Variants in RGS5 observed in about 807,000 individuals in gnomAD.
RGS5 encodes the protein regulator of G protein signaling 5.
In RGS5, 20 loss-of-function variants were observed where a neutral mutation model predicts 18.9. The ratio of observed to expected loss-of-function variants is 1.06; its 90% CI spans 0.74 to 1.54. The LOEUF (loss-of-function observed/expected upper bound fraction) is 1.54, where lower values mean the gene tolerates loss of function less well. RGS5 is among the 40% of genes most tolerant of loss of function. The pLI is 0.00. For missense variants in RGS5, 201 were observed against 211.8 expected (o/e 0.95, Z 0.32); for synonymous variants, 57 against 76.2 (o/e 0.75, Z 1.31).
chr1:163,238,764 A>C (rs1647701229), intron 2 of RGS5: 1 of 210,706 alleles, frequency 4.7e-6, no homozygotes, highest in African/African-American at 2.3e-5. Flanking sequence ...AAAGTTTAGA[A>C]GAGTTTAATA....
At chr1:163,309,495 A>G (rs1217625220) in intron 1 of RGS5, among the ~76,000 whole-genome samples, 6 of 90,788 alleles carry the variant, frequency 6.6e-5, no homozygotes, top group Non-Finnish European at 1.1e-4. Flanking sequence ...CATCTAAGGA[A>G]ACCTTTTTTT....
intron 1 of RGS5, among the ~76,000 whole-genome samples, chr1:163,201,649 A>G (rs189725715): frequency 1.8e-4 from 28 of 152,276 alleles, no homozygotes; most frequent in Non-Finnish European, 3.7e-4. Context: ...CAGTTACTAG[A>G]TAGTATTGTT....
At chr1:163,241,751 T>C (rs1647797780) in intron 2 of RGS5, among the ~76,000 whole-genome samples, 1 of 152,172 alleles carries the variant, frequency 6.6e-6, no homozygotes, top group Non-Finnish European at 1.5e-5. Flanking sequence ...AACAGTGACA[T>C]ACACAGATAT....
At chr1:163,202,722 C>G in intron 1 of RGS5, 70 bp downstream of exon 1, 1 of 1,439,158 alleles carries the variant, frequency 6.9e-7, no homozygotes, top group Admixed American at 1.7e-5. Flanking sequence ...TCTGTTACCA[C>G]TGGGCAGCCT....
intron 1 of RGS5, among the ~76,000 whole-genome samples, chr1:163,192,703 C>A (rs1179292911): frequency 6.6e-6 from 1 of 152,126 alleles, no homozygotes; most frequent in African/African-American, 2.4e-5. Context: ...CAAATGACAT[C>A]TTGTTTTGCA....
chr1:163,151,593 G>A (rs1270159807), intron 4 of RGS5, among the ~76,000 whole-genome samples: 5 of 152,118 alleles, frequency 3.3e-5, no homozygotes, highest in African/African-American at 9.7e-5. Context: ...TCTTGTGATA[G>A]TGAGTTCTCA....
intron 2 of RGS5, among the ~76,000 whole-genome samples, chr1:163,228,536 A>C (rs1025239994): frequency 6.6e-6 from 1 of 152,118 alleles, no homozygotes; most frequent in Non-Finnish European, 1.5e-5. Flanking sequence ...CGGGCCTGTG[A>C]TGGAAGGGGC....
intron 2 of RGS5, among the ~76,000 whole-genome samples, chr1:163,247,689 G>A (rs1194817877): frequency 6.6e-6 from 1 of 151,542 alleles, no homozygotes; most frequent in African/African-American, 2.4e-5. Flanking sequence ...CTTTTTGATA[G>A]TGATATTCTG....
At chr1:163,268,212 C>A (rs1055892984) in intron 2 of RGS5, among the ~76,000 whole-genome samples, 2 of 152,102 alleles carry the variant, frequency 1.3e-5, no homozygotes, top group African/African-American at 4.8e-5. Context: ...ACAAACAATA[C>A]CCTCCTTATT....
intron 2 of RGS5, among the ~76,000 whole-genome samples, chr1:163,284,927 A>C (rs930566620): frequency 1.3e-5 from 2 of 152,142 alleles, no homozygotes; most frequent in African/African-American, 4.8e-5. Context: ...GTAATTTATA[A>C]AGAAAAAGAG....
intron 1 of RGS5, among the ~76,000 whole-genome samples, chr1:163,309,574 A>G (rs1406085239): frequency 6.6e-6 from 1 of 152,088 alleles, no homozygotes; most frequent in Non-Finnish European, 1.5e-5. Flanking sequence ...CAATTTAGTC[A>G]CATCTTCAGG....
intron 2 of RGS5, among the ~76,000 whole-genome samples, chr1:163,292,258 G>C (rs142860279): frequency 1.9e-4 from 29 of 152,276 alleles, no homozygotes; most frequent in Admixed American, 1.1e-3. Context: ...TTGTAAGTGA[G>C]AACATGTGGT....
At chr1:163,220,800 C>T (rs1647213229), upstream of RGS5, among the ~76,000 whole-genome samples, 1 of 151,992 alleles carries the variant, frequency 6.6e-6, no homozygotes, top group African/African-American at 2.4e-5. Flanking sequence ...AAGGTCCTTA[C>T]AAGAGCAAGG....
intron 2 of RGS5, among the ~76,000 whole-genome samples, chr1:163,271,728 T>C (rs1648724953): frequency 6.6e-6 from 1 of 152,228 alleles, no homozygotes; most frequent in African/African-American, 2.4e-5. Flanking sequence ...TTTTAGCCTA[T>C]TATGAATACT....
intron 1 of RGS5, among the ~76,000 whole-genome samples, chr1:163,189,738 C>A (rs1001221245): frequency 1.3e-5 from 2 of 152,166 alleles, no homozygotes; most frequent in African/African-American, 4.8e-5. Context: ...GGGTCAGGGT[C>A]TCTGGGCTTG....
intron 1 of RGS5, among the ~76,000 whole-genome samples, chr1:163,215,782 G>A (rs2940674): frequency 0.4 from 60,562 of 151,852 alleles, 13,047 homozygotes; most frequent in African/African-American, 0.59. Context: ...AAAAGTTTTT[G>A]GGCCAGGCAC....
At chr1:163,175,709 T>C (rs532025572) in intron 1 of RGS5, among the ~76,000 whole-genome samples, 22 of 152,246 alleles carry the variant, frequency 1.4e-4, no homozygotes, top group Non-Finnish European at 3.2e-4. Context: ...TTTAACAGCA[T>C]ATGAAAGAGA....
chr1:163,300,874 C>T (rs1649535327), intron 2 of RGS5, among the ~76,000 whole-genome samples: 1 of 152,170 alleles, frequency 6.6e-6, no homozygotes, highest in African/African-American at 2.4e-5. Context: ...TGTGCACTTA[C>T]CAAGTGTATT....
chr1:163,224,625 G>T lies in RGS5; in HGVS notation c.-280-56257C>A, dbSNP rs547790975. 1.6e-4 allele frequency among the ~76,000 whole-genome samples: 24 copies of T among 152,234 alleles called. No homozygotes were observed. In the South Asian group the frequency reaches 5.0e-3, roughly 32 times the overall value. On this transcript the variant is annotated intron_variant, in intron 2 of 5. Coordinates refer to the RGS5 transcript ENST00000618415. ...TATAAAAAGGAACCTCCATACTGTT[G>T]TTTGTAATGGCTGTACTAATTTACA...
Sources: allele counts gnomAD v4.1 joint callset (sites outside exome capture counted in the v4.1 genomes callset), GRCh38; gene constraint gnomAD v4.1.1; transcripts MANE v1.5; gene names NCBI Gene and HGNC (gene_info 2026-07-23, HGNC 2026-07-21).